Variants in PCDHA3 observed in about 807,000 individuals in gnomAD.
PCDHA3 encodes protocadherin alpha-3.
In PCDHA3, 41 loss-of-function variants were observed where a neutral mutation model predicts 62.2. The ratio of observed to expected loss-of-function variants is 0.66; its 90% CI spans 0.51 to 0.86. The LOEUF (loss-of-function observed/expected upper bound fraction) is 0.86, where lower values mean the gene tolerates loss of function less well. Among genes scored for constraint, PCDHA3 ranks in the 40% least tolerant of loss-of-function variants. The pLI is 0.00. For missense variants in PCDHA3, 1,304 were observed against 1,241.2 expected, an observed-to-expected ratio of 1.05 and a Z score of -0.76; for synonymous variants, 640 against 555.4, an observed-to-expected ratio of 1.15 and a Z score of -2.14.
intron 1 of PCDHA3, chr5:140,928,209 T>C: frequency 6.2e-7 from 1 of 1,614,222 alleles, no homozygotes; most frequent in South Asian, 1.1e-5. Flanking sequence ...CTGATGTGAA[T>C]GACAATACAC....
intron 1 of PCDHA3, chr5:140,875,959 G>C (rs1448292250): frequency 5.0e-6 from 8 of 1,614,070 alleles, no homozygotes; most frequent in South Asian, 2.2e-5. Context: ...TGCGGATATC[G>C]GCGTAAACTC....
chr5:140,969,198 C>T lies in PCDHA3; in HGVS notation c.2395-9751C>T, dbSNP rs2096305688. ...AGTGACACTTTCATGTTTTACAATA[C>T]AGGGGCCCAGACAGGACCAGGGCCT... On this transcript the variant is annotated intron_variant, in intron 1 of 3. Coordinates refer to ENST00000522353, the MANE Select transcript of PCDHA3 (RefSeq NM_018906.3). 1 of 1,614,166 alleles carries T rather than the reference C, an allele frequency of 6.2e-7. No individual in the cohort carries two copies. Among genetic ancestry groups the T allele is most frequent in the Non-Finnish European group, 8.5e-7 (1 of 1,180,032 alleles).
At chr5:140,928,809 GGACCATGGA>G (rs1563109708) in intron 1 of PCDHA3, 1 of 1,614,078 alleles carries the variant, frequency 6.2e-7, no homozygotes, top group Non-Finnish European at 8.5e-7. Flanking sequence ...TAGTGGTTCG[GGACCATGGA>G]GACCCACCAC....
At chr5:140,966,622 G>C in intron 1 of PCDHA3, 1 of 854,486 alleles carries the variant, frequency 1.2e-6, no homozygotes, top group Non-Finnish European at 1.6e-6. Flanking sequence ...TACGGAGGGA[G>C]CGGCCCCAGG....
intron 1 of PCDHA3, chr5:140,868,880 A>G (rs1384235072): frequency 1.4e-6 from 1 of 698,244 alleles, no homozygotes; most frequent in Non-Finnish European, 2.3e-6. Flanking sequence ...CAGTACTCAC[A>G]GTTTTAGGCG....
rs139331486 is a variant in PCDHA3, at chr5:140,836,143, C to T, written c.2394+32552C>T. On this transcript the variant is annotated intron_variant, in intron 1 of 3. Coordinates refer to ENST00000522353, the MANE Select transcript of PCDHA3 (RefSeq NM_018906.3). ...GAGCTTGTGCCGCGGTCTGTGGGCG[C>T]GGGCCATGTGGTGGCGAAGGTACGT... 75 of 1,613,760 alleles carry T rather than the reference C, an allele frequency of 4.6e-5. 1 individual carries two copies. In the African/African-American group the frequency reaches 7.6e-4, roughly 16 times the overall value.
chr5:140,803,703 T>C (rs974545602), intron 1 of PCDHA3, 112 bp downstream of exon 1: 5 of 1,529,032 alleles, frequency 3.3e-6, no homozygotes, highest in Admixed American at 2.1e-5. Context: ...GATTCATAAT[T>C]AGACTTTTCC....
chr5:140,966,917 G>T, intron 1 of PCDHA3: 1 of 1,602,580 alleles, frequency 6.2e-7, no homozygotes, highest in Non-Finnish European at 8.5e-7. Context: ...TGTGCCAGAG[G>T]AGCAGGCACC....
rs1388952872 is a variant in PCDHA3, at chr5:140,801,344, G to T, written c.147G>T (p.Ala49=). 2 of 1,613,318 alleles carry T rather than the reference G, an allele frequency of 1.2e-6. No individual in the cohort carries two copies. The highest frequency in any genetic ancestry group is 1.7e-6 in the Non-Finnish European group (2 of 1,179,930). ...AKHGTFVGRI[A]QDLGLELAEL... The stretch of plus-strand genomic sequence containing the variant: ...ATGGCACCTTCGTGGGCCGCATCGC[G>T]CAGGACCTGGGGCTGGAGCTGGCGG... Residue 49 remains alanine, a synonymous_variant, in exon 1 of 4, where the codon GCG becomes GCT. Coordinates refer to ENST00000522353, the MANE Select transcript of PCDHA3 (RefSeq NM_018906.3).
chr5:140,833,743 A>G (rs1554133938), intron 1 of PCDHA3, among the ~76,000 whole-genome samples: 1 of 114,690 alleles, frequency 8.7e-6, no homozygotes, highest in African/African-American at 3.3e-5. Flanking sequence ...CTTGCCTCCT[A>G]AAAAGAAAAC....
chr5:140,852,133 A>G, intron 1 of PCDHA3: 1 of 888,968 alleles, frequency 1.1e-6, no homozygotes, highest in Non-Finnish European at 1.4e-6. Context: ...AAAACTCAGT[A>G]GAGAAAGATC....
chr5:140,943,257 CAAA>C (rs1238620023), intron 1 of PCDHA3, among the ~76,000 whole-genome samples: 2 of 77,570 alleles, frequency 2.6e-5, no homozygotes. Flanking sequence ...GACTCTGTCT[CAAA>C]AAAAAAAAAA....
chr5:140,921,440 G>C (rs1026829665), intron 1 of PCDHA3, among the ~76,000 whole-genome samples: 1 of 152,056 alleles, frequency 6.6e-6, no homozygotes, highest in South Asian at 2.1e-4. Flanking sequence ...CTTCAATGGT[G>C]TCTGAAAAGG....
At position 140,855,991 on chromosome 5, in the gene PCDHA3, A is replaced by C; in HGVS notation, c.2394+52400A>C. On this transcript the variant is annotated intron_variant, in intron 1 of 3. Coordinates refer to ENST00000522353, the MANE Select transcript of PCDHA3 (RefSeq NM_018906.3). ...TAAGAAATAGGACAGAAAATGTCAG[A>C]TCGTATGTGCGTTCTAGACCGCTGA... 2.0e-6 allele frequency: 3 copies of C among 1,492,426 alleles called. 1 individual carries two copies. In the South Asian group the frequency reaches 3.9e-5, roughly 20 times the overall value. 92.4% of individuals were successfully genotyped at this position (1,492,426 alleles called of 1,614,324 possible). A position where few individuals can be genotyped will look rare whatever the true frequency, so the allele number is the denominator to read the frequency against.
chr5:140,972,987 T>C (rs2096567014), intron 1 of PCDHA3, among the ~76,000 whole-genome samples: 1 of 152,044 alleles, frequency 6.6e-6, no homozygotes, highest in Admixed American at 6.6e-5. Flanking sequence ...TAAGGTAGAT[T>C]CTGTGCATTT....
At chr5:140,836,443 C>A (rs1774486364) in intron 1 of PCDHA3, 5 of 1,613,726 alleles carry the variant, frequency 3.1e-6, no homozygotes, top group African/African-American at 1.3e-5. Flanking sequence ...TTGGGCATTG[C>A]AGGCCCAGAG....
intron 1 of PCDHA3, among the ~76,000 whole-genome samples, chr5:140,946,209 T>C (rs2153672553): frequency 6.6e-6 from 1 of 152,022 alleles, no homozygotes; most frequent in East Asian, 1.9e-4. Flanking sequence ...AGCACACAAA[T>C]GACCAACAGG....
chr5:140,843,542 T>C lies in PCDHA3; in HGVS notation c.2394+39951T>C, dbSNP rs2150362325. ...CCGGGCGGGCAAGCCCACTCTGGTG[T>C]GCTCCAGTGCGGTGGGGAGCTGGTC... On this transcript the variant is annotated intron_variant, in intron 1 of 3. Coordinates refer to ENST00000522353, the MANE Select transcript of PCDHA3 (RefSeq NM_018906.3). 10 of 1,595,778 alleles carry C rather than the reference T, an allele frequency of 6.3e-6. 1 individual carries two copies. Among genetic ancestry groups the C allele is most frequent in the Non-Finnish European group, 8.6e-6 (10 of 1,165,434 alleles).
chr5:140,926,767 C>T (rs1323702990), intron 1 of PCDHA3: 8 of 1,358,906 alleles, frequency 5.9e-6, no homozygotes, highest in Admixed American at 3.2e-5. Context: ...AGTATCCAGC[C>T]CGCAGCAGTG....
Sources: allele counts gnomAD v4.1 joint callset (sites outside exome capture counted in the v4.1 genomes callset), GRCh38; gene constraint gnomAD v4.1.1; transcripts MANE v1.5; gene names NCBI Gene and HGNC (gene_info 2026-07-23, HGNC 2026-07-21).